Variants in PRTFDC1 observed in about 807,000 individuals in gnomAD.
PRTFDC1 encodes phosphoribosyltransferase domain-containing protein 1.
In PRTFDC1, 38 loss-of-function variants were observed where a neutral mutation model predicts 34.6. That is an observed-to-expected ratio of 1.10 (90% CI 0.85 to 1.44). PRTFDC1 has a LOEUF of 1.44. PRTFDC1 is among the 40% of genes most tolerant of loss of function. PRTFDC1 has a pLI of 0.00. For synonymous variants in PRTFDC1, 93 were observed against 98.1 expected, an observed-to-expected ratio of 0.95 and a Z score of 0.31; for missense variants, 270 against 283.0, an observed-to-expected ratio of 0.95 and a Z score of 0.33.
intron 8 of PRTFDC1, among the ~76,000 whole-genome samples, chr10:24,850,647 G>C (rs1158197194): frequency 6.6e-6 from 1 of 152,062 alleles, no homozygotes; most frequent in Non-Finnish European, 1.5e-5. Context: ...TTTAAAGAGG[G>C]GGGAGGGGGA....
chr10:24,907,602 A>G (rs1848557510), intron 3 of PRTFDC1, among the ~76,000 whole-genome samples: 2 of 152,216 alleles, frequency 1.3e-5, no homozygotes, highest in Non-Finnish European at 2.9e-5. Flanking sequence ...TCTCAAAAAA[A>G]TAAAAATCAA....
intron 3 of PRTFDC1, among the ~76,000 whole-genome samples, chr10:24,914,290 G>T (rs1033729968): frequency 6.6e-6 from 1 of 152,048 alleles, no homozygotes; most frequent in African/African-American, 2.4e-5. Flanking sequence ...ATTCCAATTT[G>T]GTCTGAGTTA....
chr10:24,931,350 C>G (rs1011043913), intron 3 of PRTFDC1, among the ~76,000 whole-genome samples: 31 of 151,640 alleles, frequency 2.0e-4, no homozygotes, highest in Admixed American at 6.6e-5. Flanking sequence ...AAAATTAACC[C>G]CAAAACAAAC....
At chr10:24,856,795 G>C in intron 6 of PRTFDC1, 118 bp downstream of exon 6, 1 of 925,106 alleles carries the variant, frequency 1.1e-6, no homozygotes, top group Non-Finnish European at 1.7e-6. Flanking sequence ...ATACCCCAGG[G>C]GAAAAGGTCA....
At chr10:24,929,584 T>C (rs74122904) in intron 3 of PRTFDC1, among the ~76,000 whole-genome samples, 22,244 of 152,192 alleles carry the variant, frequency 0.15, 1,861 homozygotes, top group East Asian at 0.28. Flanking sequence ...CTTGAAGTTG[T>C]AGTTTGAAGA....
At chr10:24,888,938 A>G (rs773577367) in intron 3 of PRTFDC1, among the ~76,000 whole-genome samples, 1 of 152,160 alleles carries the variant, frequency 6.6e-6, no homozygotes, top group Non-Finnish European at 1.5e-5. Flanking sequence ...AACTGTGGCA[A>G]ACTCATTTGA....
At chr10:24,851,351 T>C (rs758953180) in intron 8 of PRTFDC1, 37 bp downstream of exon 8, 4 of 1,585,198 alleles carry the variant, frequency 2.5e-6, no homozygotes, top group South Asian at 1.2e-5. Flanking sequence ...TAAGTTCTTA[T>C]AAAAAGGGCG....
rs894355237 is a variant in PRTFDC1 at position 24,900,917 on chromosome 10, A to G, written c.340-28854T>C. 3.3e-5 allele frequency among the ~76,000 whole-genome samples: 5 copies of G among 152,304 alleles called. No homozygotes were observed. The East Asian group carries it at 5.8e-4, about 18-fold the overall frequency. ...CCCAGGCATGACCCTACGAAAGGAG[A>G]CTATTTTGTGGTAACTTGTCGCTAA... On this transcript the variant is annotated intron_variant, in intron 3 of 8. Coordinates refer to ENST00000320152, the MANE Select transcript of PRTFDC1 (RefSeq NM_020200.7).
intron 3 of PRTFDC1, among the ~76,000 whole-genome samples, chr10:24,882,736 G>A (rs1588589528): frequency 6.6e-6 from 1 of 151,226 alleles, no homozygotes; most frequent in East Asian, 1.9e-4. Context: ...GGACTCCTGG[G>A]CTCAAGTGAT....
intron 3 of PRTFDC1, among the ~76,000 whole-genome samples, chr10:24,931,662 G>A (rs1848973842): frequency 2.0e-5 from 3 of 151,706 alleles, no homozygotes; most frequent in Non-Finnish European, 4.4e-5. Context: ...AACTATTAAA[G>A]AGTGAGAAAA....
rs74770260 is a variant in PRTFDC1 at position 24,932,702 on chromosome 10, A to G, written c.339+4482T>C. Among the ~76,000 whole-genome samples the G allele has an allele frequency of 3.8e-3, 574 of 152,184 alleles. 21 individuals carry two copies. In the East Asian group the frequency reaches 0.086, roughly 23 times the overall value. On this transcript the variant is annotated intron_variant, in intron 3 of 8. Transcript: ENST00000320152. The stretch of plus-strand genomic sequence containing the variant: ...AAGACTAAATAGTGTTACAATGTCA[A>G]TTCCCCCCAAATTGATCTATAGATT...
intron 4 of PRTFDC1, among the ~76,000 whole-genome samples, chr10:24,858,861 C>T (rs563968676): frequency 2.0e-5 from 3 of 152,174 alleles, no homozygotes; most frequent in East Asian, 1.9e-4. Context: ...CACGAAAATC[C>T]CTGGGGACTC....
In PRTFDC1 at chr10:24,937,177, A is replaced by G; in HGVS notation, c.339+7T>C. The stretch of plus-strand genomic sequence containing the variant: ...AATGTCATAAAGCGGAACTTGTAAT[A>G]ACTTACCCTGTAACTTTTTAGTCTG... On this transcript the variant is annotated splice_region_variant and intron_variant, in intron 3 of 8. Transcript: ENST00000320152. The G allele has an allele frequency of 6.2e-7, 1 of 1,604,530 alleles. No homozygotes were observed. The highest frequency in any genetic ancestry group is 8.5e-7 in the Non-Finnish European group (1 of 1,173,864).
chr10:24,859,509 G>A lies in PRTFDC1; in HGVS notation c.406-1100C>T, dbSNP rs1171725812. ...GATCTGCCCTCCTTGGCCTTCCAAA[G>A]TGCTGGAATTACAGGCACGAGCCGC... On this transcript the variant is annotated intron_variant, in intron 4 of 8. Transcript: ENST00000320152. Among the ~76,000 whole-genome samples the A allele has an allele frequency of 2.0e-5, 3 of 152,158 alleles. No homozygotes were observed. In the East Asian group the frequency reaches 5.8e-4, roughly 29 times the overall value.
At chr10:24,925,645 G>A (rs914503752) in intron 3 of PRTFDC1, among the ~76,000 whole-genome samples, 4 of 152,028 alleles carry the variant, frequency 2.6e-5, no homozygotes, top group Non-Finnish European at 4.4e-5. Context: ...TGCAGACAAC[G>A]TGAAATACAA....
chr10:24,917,396 G>A (rs1019256912), intron 3 of PRTFDC1, among the ~76,000 whole-genome samples: 10 of 152,056 alleles, frequency 6.6e-5, no homozygotes, highest in East Asian at 3.9e-4. Context: ...TTTAACTTCC[G>A]AGAAATTTTT....
intron 3 of PRTFDC1, among the ~76,000 whole-genome samples, chr10:24,925,217 G>A (rs1236538432): frequency 2.6e-5 from 4 of 152,132 alleles, no homozygotes; most frequent in African/African-American, 9.7e-5. Flanking sequence ...ACTATCACAA[G>A]GACAGAAAAC....
chr10:24,908,595 C>A (rs765845683), intron 3 of PRTFDC1: 2 of 1,612,804 alleles, frequency 1.2e-6, no homozygotes, highest in Non-Finnish European at 8.5e-7. Flanking sequence ...TTTGGAGATT[C>A]TTGCAGGGGA....
At chr10:24,915,045 A>C (rs1848676193) in intron 3 of PRTFDC1, among the ~76,000 whole-genome samples, 2 of 152,168 alleles carry the variant, frequency 1.3e-5, no homozygotes, top group Admixed American at 1.3e-4. Flanking sequence ...GCCTCATGCA[A>C]TATACCCATG....
Sources: allele counts gnomAD v4.1 joint callset (sites outside exome capture counted in the v4.1 genomes callset), GRCh38; gene constraint gnomAD v4.1.1; transcripts MANE v1.5; gene names NCBI Gene and HGNC (gene_info 2026-07-23, HGNC 2026-07-21).